The following LRP1B variants were observed in gnomAD, a reference collection of about 807,000 sequenced individuals.
LRP1B encodes low-density lipoprotein receptor-related protein 1B.
A neutral mutation model predicts 556.6 loss-of-function variants in LRP1B; 217 were observed. That is an observed-to-expected ratio of 0.39 (90% confidence interval 0.35 to 0.44). The LOEUF (loss-of-function observed/expected upper bound fraction) is 0.44. Among genes scored for constraint, LRP1B ranks in the 20% least tolerant of loss-of-function variants. The pLI is 1.00. For synonymous variants in LRP1B, 2,047 were observed against 1,865.8 expected, an observed-to-expected ratio of 1.10 and a Z score of -2.50; for missense variants, 5,053 against 5,620.8, an observed-to-expected ratio of 0.90 and a Z score of 3.23.
intron 1 of LRP1B, among the ~76,000 whole-genome samples, chr2:141,859,569 T>C (rs771237826): frequency 2.0e-5 from 3 of 152,196 alleles, no homozygotes; most frequent in Non-Finnish European, 4.4e-5. Flanking sequence ...ATTTAAAAAG[T>C]ATGTTTCCTG....
At position 140,398,060 on chromosome 2, in the gene LRP1B, A is replaced by G. The variant is rs10190430; in HGVS notation, c.10415-12051T>C. Among the ~76,000 whole-genome samples the G allele has an allele frequency of 3.3e-3, 501 of 152,240 alleles. 2 individuals carry two copies. The highest frequency in any genetic ancestry group is 0.012 in the African/African-American group (482 of 41,550). ...AAACTTATCATTCATGTTTATTTGG[A>G]GTTTGTAATCATATCAATCAATAAT... On this transcript the variant is annotated intron_variant, in intron 66 of 90. Transcript: ENST00000389484.
chr2:141,526,998 A>G (rs1415382261), intron 2 of LRP1B, among the ~76,000 whole-genome samples: 2 of 152,152 alleles, frequency 1.3e-5, no homozygotes, highest in Non-Finnish European at 2.9e-5. Flanking sequence ...CTGACAGTGA[A>G]TTATAGACAG....
intron 2 of LRP1B, among the ~76,000 whole-genome samples, chr2:141,702,339 A>C (rs1691970095): frequency 6.6e-6 from 1 of 151,948 alleles, no homozygotes; most frequent in African/African-American, 2.4e-5. Flanking sequence ...GGATGATCCC[A>C]GAAGCAAGGA....
At chr2:141,088,432 T>C (rs10186270) in intron 7 of LRP1B, among the ~76,000 whole-genome samples, 44,545 of 151,934 alleles carry the variant, frequency 0.29, 6,935 homozygotes, top group East Asian at 0.65. Flanking sequence ...TGTTCTAACG[T>C]CACATTTTTT....
intron 18 of LRP1B, among the ~76,000 whole-genome samples, chr2:140,956,941 A>G (rs1695891486): frequency 6.6e-6 from 1 of 151,756 alleles, no homozygotes; most frequent in Non-Finnish European, 1.5e-5. Context: ...TATCAGATAG[A>G]GTTCTAGGCC....
At chr2:141,041,817 T>A (rs1698709633) in intron 11 of LRP1B, among the ~76,000 whole-genome samples, 1 of 23,012 alleles carries the variant, frequency 4.3e-5, no homozygotes. Flanking sequence ...ACATGTTATA[T>A]CATGTATGTA....
chr2:141,414,472 A>G (rs1691012035), intron 3 of LRP1B, among the ~76,000 whole-genome samples: 1 of 152,084 alleles, frequency 6.6e-6, no homozygotes, highest in South Asian at 2.1e-4. Context: ...GTGTGTTAGC[A>G]CACTATTTGA....
intron 27 of LRP1B, among the ~76,000 whole-genome samples, chr2:140,860,965 G>A (rs1692770407): frequency 6.7e-6 from 1 of 150,042 alleles, no homozygotes; most frequent in African/African-American, 2.5e-5. Context: ...AACGAAGTAA[G>A]AGAATTGTGC....
chr2:141,958,406 G>T (rs567711435), intron 1 of LRP1B, among the ~76,000 whole-genome samples: 47 of 152,070 alleles, frequency 3.1e-4, no homozygotes, highest in African/African-American at 1.1e-3. Flanking sequence ...GAATCTAAAA[G>T]ACTTTGGGTT....
chr2:141,618,380 T>C (rs1487563342), intron 2 of LRP1B, among the ~76,000 whole-genome samples: 3 of 152,210 alleles, frequency 2.0e-5, no homozygotes, highest in Admixed American at 1.3e-4. Flanking sequence ...TTATGACGTT[T>C]AGGTGCAAGA....
At chr2:141,730,917 A>G (rs1228784125) in intron 2 of LRP1B, among the ~76,000 whole-genome samples, 1 of 152,114 alleles carries the variant, frequency 6.6e-6, no homozygotes, top group Non-Finnish European at 1.5e-5. Context: ...TGGCATGTAA[A>G]TACTCCTAAA....
At chr2:141,952,288 T>G (rs1336704576) in intron 1 of LRP1B, among the ~76,000 whole-genome samples, 2 of 152,062 alleles carry the variant, frequency 1.3e-5, no homozygotes, top group Non-Finnish European at 2.9e-5. Context: ...TCTTTGCTAT[T>G]GTGAATAGTG....
At chr2:141,568,175 C>T (rs1042099470) in intron 2 of LRP1B, among the ~76,000 whole-genome samples, 3 of 150,948 alleles carry the variant, frequency 2.0e-5, no homozygotes, top group Non-Finnish European at 4.5e-5. Flanking sequence ...GACATAAGTG[C>T]GGGATAAAGT....
At chr2:141,124,702 C>T (rs1701157686) in intron 7 of LRP1B, among the ~76,000 whole-genome samples, 3 of 150,366 alleles carry the variant, frequency 2.0e-5, no homozygotes, top group Admixed American at 6.6e-5. Context: ...TTTAAAGAGC[C>T]CATTAAAAGG....
chr2:141,545,670 C>T (rs1685525137), intron 2 of LRP1B, among the ~76,000 whole-genome samples: 1 of 151,936 alleles, frequency 6.6e-6, no homozygotes, highest in Admixed American at 6.6e-5. Context: ...ATAGTGAGAG[C>T]CAATCTCTAA....
intron 41 of LRP1B, among the ~76,000 whole-genome samples, chr2:140,618,071 T>C (rs1202503581): frequency 6.6e-6 from 1 of 152,002 alleles, no homozygotes; most frequent in East Asian, 1.9e-4. Context: ...TTTCCCAACT[T>C]TGTTAAAATT....
intron 67 of LRP1B, among the ~76,000 whole-genome samples, chr2:140,379,423 C>T (rs1306336567): frequency 6.6e-6 from 1 of 152,036 alleles, no homozygotes; most frequent in Non-Finnish European, 1.5e-5. Flanking sequence ...GGGCAAGGCA[C>T]GGTGGCTCAC....
intron 86 of LRP1B, among the ~76,000 whole-genome samples, chr2:140,267,505 G>A (rs1682261189): frequency 6.6e-6 from 1 of 151,916 alleles, no homozygotes; most frequent in Non-Finnish European, 1.5e-5. Flanking sequence ...TAAATGCTAT[G>A]TAAATAGTTG....
chr2:140,286,436 A>AACATAAAACTATGTTGGC (rs1683156128), intron 84 of LRP1B, among the ~76,000 whole-genome samples: 2 of 151,802 alleles, frequency 1.3e-5, no homozygotes, highest in Admixed American at 1.3e-4. Flanking sequence ...ATCCAGTGCC[A>AACATAAAACTATGTTGGC]ACATAAAACA....
Sources: allele counts gnomAD v4.1 joint callset (sites outside exome capture counted in the v4.1 genomes callset), GRCh38; gene constraint gnomAD v4.1.1; transcripts MANE v1.5; gene names NCBI Gene and HGNC (gene_info 2026-07-23, HGNC 2026-07-21).